PLPPR4: variants seen among roughly 807,000 people sequenced by gnomAD.
PLPPR4 encodes phospholipid phosphatase related 4, also known as phospholipid phosphatase-related protein type 4.
In PLPPR4, 24 loss-of-function variants were observed where a neutral mutation model predicts 56.6. The ratio of observed to expected loss-of-function variants is 0.42; its 90% CI spans 0.31 to 0.60. The LOEUF is 0.60. PLPPR4 is among the 20% of genes least tolerant of loss of function. PLPPR4 has a pLI of 0.13. For synonymous variants in PLPPR4, 326 were observed against 328.1 expected, an observed-to-expected ratio of 0.99 and a Z score of 0.07; for missense variants, 654 against 885.8, an observed-to-expected ratio of 0.74 and a Z score of 3.32.
At chr1:99,265,266 T>C (rs570614118) in intron 1 of PLPPR4, among the ~76,000 whole-genome samples, 2 of 151,518 alleles carry the variant, frequency 1.3e-5, no homozygotes, top group Non-Finnish European at 2.9e-5. Flanking sequence ...CAGTAAAAAA[T>C]ACATATTATA....
At chr1:99,305,458 T>C (rs1257645716) in intron 6 of PLPPR4, among the ~76,000 whole-genome samples, 3 of 152,154 alleles carry the variant, frequency 2.0e-5, no homozygotes, top group African/African-American at 7.2e-5. Flanking sequence ...TCCAGTAGGA[T>C]GGAGAAAAGA....
chr1:99,275,155 G>T (rs1659153688), intron 1 of PLPPR4, among the ~76,000 whole-genome samples: 1 of 152,094 alleles, frequency 6.6e-6, no homozygotes, highest in Non-Finnish European at 1.5e-5. Flanking sequence ...TGAAGATTTG[G>T]ACATAAATAA....
At chr1:99,304,131 A>G (rs1659954119) in intron 6 of PLPPR4, among the ~76,000 whole-genome samples, 1 of 152,246 alleles carries the variant, frequency 6.6e-6, no homozygotes, top group Non-Finnish European at 1.5e-5. Context: ...CATGTGTCAC[A>G]TAATGATATT....
intron 2 of PLPPR4, among the ~76,000 whole-genome samples, chr1:99,295,653 C>T (rs1263442050): frequency 6.6e-6 from 1 of 152,186 alleles, no homozygotes; most frequent in Non-Finnish European, 1.5e-5. Flanking sequence ...AAGACTTTTT[C>T]ATGAATAAAA....
chr1:99,299,065 C>T lies in PLPPR4; in HGVS notation c.425C>T (p.Ala142Val). 2 of 1,613,496 alleles carry T rather than the reference C, an allele frequency of 1.2e-6. No homozygotes were observed. The highest frequency in any genetic ancestry group is 1.1e-5 in the South Asian group (1 of 91,064). ...GVHVFGLCST[A>V]LITDIIQLST... ...CATGTATTTGGATTATGCTCTACAG[C>T]TCTCATTACAGATATCATACAGCTG... Residue 142 changes from alanine (A) to valine (V), a missense_variant, in exon 4 of 7, where the codon GCT (alanine) becomes GTT (valine). Coordinates refer to ENST00000370185, the MANE Select transcript of PLPPR4 (RefSeq NM_014839.5).
chr1:99,303,298 G>A (rs749147528), intron 6 of PLPPR4, among the ~76,000 whole-genome samples: 5 of 152,170 alleles, frequency 3.3e-5, no homozygotes, highest in Admixed American at 6.6e-5. Flanking sequence ...ACACTGGACA[G>A]ATGATGACTT....
In PLPPR4 at chr1:99,307,153, A is replaced by T. The variant is rs1193166795; in HGVS notation, c.*143A>T. ...AACTCTGTAACTTTTCAGAACTGCTATACTCAAACTTGCAGATCTCACATC... is the reference window on the plus strand; with the variant it reads ...AACTCTGTAACTTTTCAGAACTGCTTTACTCAAACTTGCAGATCTCACATC... On this transcript the variant is annotated 3_prime_UTR_variant, in exon 7 of 7. Coordinates refer to ENST00000370185, the MANE Select transcript of PLPPR4 (RefSeq NM_014839.5). 1 of 976,928 alleles carries T rather than the reference A, an allele frequency of 1.0e-6. No individual in the cohort carries two copies. The highest frequency in any genetic ancestry group is 1.6e-5 in the African/African-American group (1 of 61,384). The allele number at this position is 976,928 out of a possible 1,614,324, so 60.5% of individuals were successfully genotyped here.
intron 1 of PLPPR4, among the ~76,000 whole-genome samples, chr1:99,268,978 C>A (rs1182444832): frequency 1.3e-5 from 2 of 152,088 alleles, no homozygotes; most frequent in African/African-American, 2.4e-5. Flanking sequence ...GCAGAACATG[C>A]AGTTTTGTTA....
At chr1:99,263,838 G>A (rs1046038224), upstream of PLPPR4, 3 of 152,274 alleles carry the variant, frequency 2.0e-5, no homozygotes, top group African/African-American at 7.2e-5. Context: ...TCACACATCT[G>A]CCTCTCTGGA....
intron 2 of PLPPR4, among the ~76,000 whole-genome samples, chr1:99,294,955 T>G (rs1435728103): frequency 6.6e-6 from 1 of 152,204 alleles, no homozygotes; most frequent in Non-Finnish European, 1.5e-5. Context: ...AAGTGGTTAA[T>G]TTTCTGGAAA....
chr1:99,308,103 T>A lies in PLPPR4; in HGVS notation c.*1093T>A, dbSNP rs1197136191. 1.3e-5 allele frequency: 2 copies of A among 152,200 alleles called. No homozygotes were observed. The highest frequency in any genetic ancestry group is 3.9e-4 in the East Asian group (2 of 5,192). 9.4% of individuals were successfully genotyped at this position (152,200 alleles called of 1,614,324 possible). On this transcript the variant is annotated 3_prime_UTR_variant, in exon 7 of 7. Coordinates refer to ENST00000370185, the MANE Select transcript of PLPPR4 (RefSeq NM_014839.5). ...AACTAGCTGGCATAGGTTGCCATCTTAACAAGTAATCTAAAAGTCCCATTC... is the reference window on the plus strand; with the variant it reads ...AACTAGCTGGCATAGGTTGCCATCTAAACAAGTAATCTAAAAGTCCCATTC...
chr1:99,295,705 A>T (rs959734145), intron 2 of PLPPR4, among the ~76,000 whole-genome samples: 1 of 152,234 alleles, frequency 6.6e-6, no homozygotes, highest in Non-Finnish European at 1.5e-5. Flanking sequence ...AGAATAATTG[A>T]CAACCCAACG....
intron 1 of PLPPR4, among the ~76,000 whole-genome samples, chr1:99,281,081 G>A (rs1489323585): frequency 6.6e-6 from 1 of 152,136 alleles, no homozygotes; most frequent in Non-Finnish European, 1.5e-5. Flanking sequence ...CAGTGACAGT[G>A]TGAAAGAAAT....
At chr1:99,279,759 T>G (rs1444337930) in intron 1 of PLPPR4, among the ~76,000 whole-genome samples, 1 of 152,202 alleles carries the variant, frequency 6.6e-6, no homozygotes, top group Admixed American at 6.5e-5. Flanking sequence ...ATTACTGGCC[T>G]TTGAAGCCAG....
At chr1:99,271,490 T>C (rs723196) in intron 1 of PLPPR4, among the ~76,000 whole-genome samples, 37,842 of 152,108 alleles carry the variant, frequency 0.25, 5,150 homozygotes, top group East Asian at 0.39. Context: ...AGCTTCATGG[T>C]ATCTGGATGC....
chr1:99,289,392 A>G (rs888738515), intron 2 of PLPPR4, among the ~76,000 whole-genome samples: 1 of 152,150 alleles, frequency 6.6e-6, no homozygotes, highest in South Asian at 2.1e-4. Flanking sequence ...ATTTAAATAC[A>G]TAGTGTATAA....
chr1:99,300,908 GA>G lies in PLPPR4; in HGVS notation c.593del (p.Lys198SerfsTer26), dbSNP rs1659869457. On this transcript the variant is annotated frameshift_variant and splice_region_variant, in exon 5 of 7. Transcript: ENST00000370185. LOFTEE classifies it high-confidence loss of function. ...GSDLTVINSG[R>X]KSFPSQHATL... is the part of the protein sequence containing the mutation. ...ATAATTTGACTATCTTCTTTTGGCA[GA>G]AAGTCCTTCCCTTCTCAACATGCAA... 1 of 1,611,574 alleles carries G rather than the reference GA, an allele frequency of 6.2e-7. No individual in the cohort carries two copies. Among genetic ancestry groups the G allele is most frequent in the African/African-American group, 1.3e-5 (1 of 74,830 alleles).
chr1:99,296,867 G>T lies in PLPPR4; in HGVS notation c.394G>T (p.Gly132Cys), dbSNP rs2100805689. The change falls in exon 3 of 7, where the codon GGT becomes TGT. Residue 132 changes from glycine (G) to cysteine (C), a missense_variant and splice_region_variant. Physicochemically the swap from Gly to Cys is radical, Grantham distance 159. This residue lies in a region of PLPPR4 where 186 missense variants were observed against 331.4 expected (regional missense o/e 0.56). Transcript: ENST00000370185. ...SFLRRAVRFV[G>C]VHVFGLCSTA... ...CCTCAGACGAGCTGTCAGATTCGTT[G>T]GTGGGTGTGGGGAACCACAAAGAAA... 6.4e-7 allele frequency: 1 copy of T among 1,567,366 alleles called. No homozygotes were observed. The highest frequency in any genetic ancestry group is 8.7e-7 in the Non-Finnish European group (1 of 1,151,830).
At chr1:99,299,939 A>G (rs888120191) in intron 4 of PLPPR4, among the ~76,000 whole-genome samples, 8 of 152,078 alleles carry the variant, frequency 5.3e-5, no homozygotes, top group African/African-American at 1.9e-4. Context: ...GGGCCAATCA[A>G]TTATTGAAAG....
Sources: gnomAD v4.1 joint callset for allele counts (sites outside exome capture counted in the v4.1 genomes callset) on GRCh38, gnomAD v4.1.1 for gene constraint, gnomAD v4.1.1 regional missense constraint, MANE v1.5 for transcripts, NCBI Gene and HGNC (gene_info 2026-07-23, HGNC 2026-07-21) for gene names.